The following KRABD4 variants were observed in gnomAD, a reference collection of about 807,000 sequenced individuals.
KRABD4 encodes the protein KRAB domain-containing protein 4.
chrX:46,463,294 G>A, the KRABD4 span: 1 of 1,211,556 alleles, frequency 8.3e-7, no homozygotes, highest in Non-Finnish European at 1.1e-6. Flanking sequence ...ACCTGTGCAG[G>A]TGAGGACAGG....
the KRABD4 span, among the ~76,000 whole-genome samples, chrX:46,452,487 T>C: frequency 9.0e-6 from 1 of 111,120 alleles, no homozygotes; most frequent in Non-Finnish European, 1.9e-5. Flanking sequence ...AAAATATCTC[T>C]TGTCATTGTC....
the KRABD4 span, among the ~76,000 whole-genome samples, chrX:46,449,959 G>T: frequency 2.7e-5 from 3 of 110,930 alleles, no homozygotes; most frequent in Admixed American, 9.6e-5. Context: ...GTTTCGCCAT[G>T]TTGCCCAGGC....
chrX:46,460,816 C>G, the KRABD4 span, among the ~76,000 whole-genome samples: 2 of 108,728 alleles, frequency 1.8e-5, no homozygotes, highest in Admixed American at 2.0e-4. Context: ...GGCTTCATCA[C>G]AGAGGCATGA....
the KRABD4 span, among the ~76,000 whole-genome samples, chrX:46,459,490 ATC>A: frequency 1.8e-5 from 2 of 111,180 alleles, no homozygotes; most frequent in African/African-American, 6.5e-5. Context: ...ACACATTTAA[ATC>A]TCTAATCCAT....
the KRABD4 span, among the ~76,000 whole-genome samples, chrX:46,460,417 CAA>C: frequency 1.9e-4 from 14 of 74,957 alleles, no homozygotes; most frequent in African/African-American, 3.7e-4. Context: ...AACTCAGTCT[CAA>C]AAAAAAAAAA....
the KRABD4 span, among the ~76,000 whole-genome samples, chrX:46,450,948 C>T: frequency 9.0e-6 from 1 of 110,543 alleles, no homozygotes; most frequent in Admixed American, 9.7e-5. Context: ...AGTGATCCCC[C>T]CACCTCGGCC....
the KRABD4 span, among the ~76,000 whole-genome samples, chrX:46,466,036 C>G: frequency 9.0e-6 from 1 of 111,687 alleles, no homozygotes; most frequent in South Asian, 3.7e-4. Context: ...TCTGGTTGGT[C>G]CCATAAGTTC....
At chrX:46,450,382 T>A in the KRABD4 span, 5 of 816,515 alleles carry the variant, frequency 6.1e-6, no homozygotes, top group East Asian at 1.6e-4. Context: ...GTAATGATGG[T>A]CTAATGGCTG....
At chrX:46,462,249 C>A in the KRABD4 span, among the ~76,000 whole-genome samples, 1 of 111,992 alleles carries the variant, frequency 8.9e-6, no homozygotes, top group South Asian at 3.7e-4. Flanking sequence ...CGATGGCTCA[C>A]GCCTGTAATC....
At chrX:46,451,952 T>G in the KRABD4 span, among the ~76,000 whole-genome samples, 2 of 112,002 alleles carry the variant, frequency 1.8e-5, no homozygotes, top group East Asian at 5.5e-4. Flanking sequence ...TTTTTTGTGG[T>G]TTTTGTTTTT....
At chrX:46,461,624 G>T in the KRABD4 span, among the ~76,000 whole-genome samples, 1 of 111,733 alleles carries the variant, frequency 8.9e-6, no homozygotes, top group Non-Finnish European at 1.9e-5. Flanking sequence ...GAAACAGGCG[G>T]GTTATTAGTC....
At chrX:46,457,645 T>TA in the KRABD4 span, among the ~76,000 whole-genome samples, 2 of 106,665 alleles carry the variant, frequency 1.9e-5, no homozygotes, top group East Asian at 2.9e-4. Flanking sequence ...TTTTTTTTTT[T>TA]ATATATACAA....
chrX:46,447,554 T>C, the KRABD4 span, among the ~76,000 whole-genome samples: 9 of 111,109 alleles, frequency 8.1e-5, no homozygotes, highest in Non-Finnish European at 7.6e-5. Flanking sequence ...TCCGGTTCCC[T>C]GAGACCCGCA....
chrX:46,469,495 T>A, the KRABD4 span, among the ~76,000 whole-genome samples: 2 of 112,189 alleles, frequency 1.8e-5, no homozygotes, highest in African/African-American at 6.5e-5. Flanking sequence ...CATTTTCCTA[T>A]TGCTCATTGC....
chrX:46,453,291 G>A, the KRABD4 span, among the ~76,000 whole-genome samples: 1 of 111,753 alleles, frequency 8.9e-6, no homozygotes, highest in Non-Finnish European at 1.9e-5. Context: ...ACTGAATGAC[G>A]GTGGCACCGT....
the KRABD4 span, among the ~76,000 whole-genome samples, chrX:46,470,443 C>T: frequency 9.0e-6 from 1 of 111,123 alleles, no homozygotes; most frequent in Non-Finnish European, 1.9e-5. Context: ...TGAGGTCATA[C>T]AGTATGATGC....
the KRABD4 span, among the ~76,000 whole-genome samples, chrX:46,449,309 TCTC>T: frequency 2.7e-5 from 3 of 111,334 alleles, no homozygotes; most frequent in Non-Finnish European, 5.7e-5. Flanking sequence ...GCCCCACACC[TCTC>T]CTCCACTGTG....
chrX:46,465,451 T>C, the KRABD4 span, among the ~76,000 whole-genome samples: 1 of 113,091 alleles, frequency 8.8e-6, no homozygotes, highest in African/African-American at 3.2e-5. Flanking sequence ...TACACATTGG[T>C]TGGCCTCTCT....
chrX:46,451,902 T>TA, the KRABD4 span, among the ~76,000 whole-genome samples: 1 of 112,796 alleles, frequency 8.9e-6, no homozygotes, highest in African/African-American at 3.2e-5. Flanking sequence ...ATACACATTG[T>TA]AAAAAAATTC....
Sources: gnomAD v4.1 joint callset for allele counts (sites outside exome capture counted in the v4.1 genomes callset) on GRCh38, gnomAD v4.1.1 for gene constraint, MANE v1.5 for transcripts, NCBI Gene and HGNC (gene_info 2026-07-23, HGNC 2026-07-21) for gene names.